The following MAML2 variants were observed in gnomAD, a reference collection of about 807,000 sequenced individuals.
MAML2 encodes the protein mastermind like transcriptional coactivator 2.
In MAML2, 22 loss-of-function variants were observed where a neutral mutation model predicts 96.1. That is an observed-to-expected ratio of 0.23 (90% CI 0.16 to 0.33). MAML2 has a LOEUF of 0.33. MAML2 is among the 10% of genes least tolerant of loss of function. MAML2 has a pLI of 1.00. For missense variants in MAML2, 1,367 were observed against 1,392.4 expected (o/e 0.98, Z 0.29); for synonymous variants, 561 against 521.3 (o/e 1.08, Z -1.04).
chr11:96,154,335 A>T (rs1217512018), intron 1 of MAML2, among the ~76,000 whole-genome samples: 2 of 152,312 alleles, frequency 1.3e-5, no homozygotes, highest in Non-Finnish European at 2.9e-5. Flanking sequence ...AGGGCTCCCT[A>T]TCAAATCTTG....
At chr11:96,095,972 C>T (rs980895320) in intron 1 of MAML2, among the ~76,000 whole-genome samples, 2 of 152,118 alleles carry the variant, frequency 1.3e-5, no homozygotes, top group Admixed American at 1.3e-4. Context: ...TCAGCTATCA[C>T]CACATCCAGC....
At chr11:96,279,566 G>T (rs1863037057) in intron 1 of MAML2, among the ~76,000 whole-genome samples, 1 of 152,214 alleles carries the variant, frequency 6.6e-6, no homozygotes, top group Admixed American at 6.5e-5. Context: ...GCTTCTCAGA[G>T]ATTAGCCAAG....
At chr11:96,085,821 T>A (rs1192774300) in intron 2 of MAML2, among the ~76,000 whole-genome samples, 1 of 152,222 alleles carries the variant, frequency 6.6e-6, no homozygotes, top group Admixed American at 6.5e-5. Context: ...GTTCTTCTTG[T>A]TATTGTGTTC....
chr11:96,083,431 C>T (rs939642836), intron 2 of MAML2, among the ~76,000 whole-genome samples: 2 of 152,158 alleles, frequency 1.3e-5, no homozygotes, highest in African/African-American at 4.8e-5. Flanking sequence ...CAGCCCCCAT[C>T]AATAGGGCCT....
At chr11:96,044,810 C>T (rs1858870342) in intron 2 of MAML2, among the ~76,000 whole-genome samples, 1 of 152,190 alleles carries the variant, frequency 6.6e-6, no homozygotes, top group Non-Finnish European at 1.5e-5. Flanking sequence ...TGACGAAAAA[C>T]TAAGTCATTC....
At chr11:96,034,462 T>TGC (rs1798437582) in intron 2 of MAML2, among the ~76,000 whole-genome samples, 1 of 146,764 alleles carries the variant, frequency 6.8e-6, no homozygotes, top group African/African-American at 2.5e-5. Flanking sequence ...AGAGAGTGTG[T>TGC]GTGTGTGTGT....
intron 2 of MAML2, among the ~76,000 whole-genome samples, chr11:96,030,910 C>G (rs1490438321): frequency 6.6e-6 from 1 of 152,178 alleles, no homozygotes; most frequent in South Asian, 2.1e-4. Flanking sequence ...ACTACCAATC[C>G]TTGTTCTTAT....
chr11:96,298,914 G>A (rs1226895963), intron 1 of MAML2, among the ~76,000 whole-genome samples: 5 of 146,152 alleles, frequency 3.4e-5, no homozygotes, highest in Non-Finnish European at 6.0e-5. Flanking sequence ...GCGTGGTGGC[G>A]GGCGCCTGTA....
intron 2 of MAML2, among the ~76,000 whole-genome samples, chr11:96,046,390 A>C (rs1288936474): frequency 6.6e-6 from 1 of 151,966 alleles, no homozygotes; most frequent in Non-Finnish European, 1.5e-5. Flanking sequence ...TTAAAAATAC[A>C]TTTCTCTTTG....
intron 1 of MAML2, among the ~76,000 whole-genome samples, chr11:96,217,424 G>A (rs141236429): frequency 4.6e-5 from 7 of 152,280 alleles, no homozygotes; most frequent in Non-Finnish European, 7.4e-5. Flanking sequence ...CACTTATAGC[G>A]TGGTATGTCA....
chr11:95,986,965 C>T (rs1690248298), intron 3 of MAML2, among the ~76,000 whole-genome samples: 2 of 152,152 alleles, frequency 1.3e-5, no homozygotes, highest in Non-Finnish European at 2.9e-5. Context: ...CAGCTGTTGG[C>T]TTTATTACTT....
chr11:96,094,599 G>A (rs1859792992), intron 1 of MAML2, among the ~76,000 whole-genome samples: 1 of 152,052 alleles, frequency 6.6e-6, no homozygotes. Flanking sequence ...TATACTTTAT[G>A]AGCCTTAAAA....
chr11:96,037,196 C>A (rs201606000), intron 2 of MAML2, among the ~76,000 whole-genome samples: 14,288 of 147,662 alleles, frequency 0.097, 807 homozygotes, highest in East Asian at 0.21. Context: ...AATAAAAAAA[C>A]AACAACAACA....
chr11:96,203,423 T>C (rs1332164737), intron 1 of MAML2, among the ~76,000 whole-genome samples: 3 of 152,244 alleles, frequency 2.0e-5, no homozygotes, highest in Non-Finnish European at 4.4e-5. Context: ...TCCTATCAGA[T>C]TATGCCTTAA....
At chr11:95,998,405 T>C (rs1192536228) in intron 2 of MAML2, among the ~76,000 whole-genome samples, 1 of 152,160 alleles carries the variant, frequency 6.6e-6, no homozygotes, top group Non-Finnish European at 1.5e-5. Context: ...TTGGACATGA[T>C]GGGTTTCATT....
chr11:96,154,085 C>T (rs1860972031), intron 1 of MAML2, among the ~76,000 whole-genome samples: 1 of 152,186 alleles, frequency 6.6e-6, no homozygotes, highest in Admixed American at 6.5e-5. Context: ...CTCTGCAAAT[C>T]TGTTCTTCCT....
intron 2 of MAML2, among the ~76,000 whole-genome samples, chr11:96,019,673 GATAATAATAATTATAATA>G (rs1283811076): frequency 2.8e-3 from 35 of 12,450 alleles, no homozygotes; most frequent in African/African-American, 8.4e-3. Context: ...GCCAAGGGCT[GATAATAATAATTATAATA>G]ATAATAATAA....
chr11:96,013,761 C>T (rs2135729996), intron 2 of MAML2, among the ~76,000 whole-genome samples: 1 of 152,290 alleles, frequency 6.6e-6, no homozygotes, highest in East Asian at 1.9e-4. Flanking sequence ...CACCGAGCAG[C>T]CCACCTCCAG....
intron 1 of MAML2, among the ~76,000 whole-genome samples, chr11:96,161,015 T>C (rs889786744): frequency 1.3e-5 from 2 of 152,234 alleles, no homozygotes; most frequent in Non-Finnish European, 2.9e-5. Context: ...GCACTGCACC[T>C]TTCCCTGAAT....
Sources: gnomAD v4.1 joint callset for allele counts (sites outside exome capture counted in the v4.1 genomes callset) on GRCh38, gnomAD v4.1.1 for gene constraint, MANE v1.5 for transcripts, NCBI Gene and HGNC (gene_info 2026-07-23, HGNC 2026-07-21) for gene names.